Variants in PDHX observed in about 807,000 individuals in gnomAD.
PDHX encodes pyruvate dehydrogenase complex component X, also known as pyruvate dehydrogenase protein X component, mitochondrial.
In PDHX, 33 loss-of-function variants were observed where a neutral mutation model predicts 55.3. The ratio of observed to expected loss-of-function variants is 0.60; its 90% CI spans 0.45 to 0.80. PDHX has a LOEUF of 0.80. Among genes scored for constraint, PDHX ranks in the 30% least tolerant of loss-of-function variants. PDHX has a pLI of 0.00. For synonymous variants in PDHX, 226 were observed against 219.4 expected, an observed-to-expected ratio of 1.03 and a Z score of -0.27; for missense variants, 622 against 619.9, an observed-to-expected ratio of 1.00 and a Z score of -0.04.
intron 8 of PDHX, among the ~76,000 whole-genome samples, chr11:34,982,851 G>A (rs1022542172): frequency 1.3e-5 from 2 of 152,152 alleles, no homozygotes; most frequent in African/African-American, 4.8e-5. Flanking sequence ...GGTACAAGGA[G>A]GAGCTGTTAC....
chr11:34,965,140 G>A (rs1262892798), intron 5 of PDHX, among the ~76,000 whole-genome samples: 1 of 152,192 alleles, frequency 6.6e-6, no homozygotes, highest in African/African-American at 2.4e-5. Context: ...CTGAACTCAT[G>A]GTCTCACAAG....
intron 2 of PDHX, among the ~76,000 whole-genome samples, chr11:34,940,000 C>G (rs1854434269): frequency 6.6e-6 from 1 of 152,004 alleles, no homozygotes; most frequent in South Asian, 2.1e-4. Context: ...TAAACTGCAC[C>G]TAGTTTATTT....
At chr11:34,958,344 A>G (rs1279309607) in intron 4 of PDHX, among the ~76,000 whole-genome samples, 1 of 152,032 alleles carries the variant, frequency 6.6e-6, no homozygotes, top group Non-Finnish European at 1.5e-5. Context: ...CTCATTGTCC[A>G]GGCTGGAGTG....
At chr11:34,951,352 C>T (rs1365471865) in intron 3 of PDHX, among the ~76,000 whole-genome samples, 1 of 152,052 alleles carries the variant, frequency 6.6e-6, no homozygotes, top group Non-Finnish European at 1.5e-5. Flanking sequence ...AGCCACCGCG[C>T]CCGGCCTGTT....
At chr11:34,935,042 A>G (rs901593813) in intron 2 of PDHX, among the ~76,000 whole-genome samples, 1 of 152,092 alleles carries the variant, frequency 6.6e-6, no homozygotes, top group African/African-American at 2.4e-5. Context: ...TTGAGAGGGT[A>G]GGGAGGGGTA....
In PDHX at chr11:34,995,792, A is replaced by G. The variant is rs1045525029; in HGVS notation, c.*620A>G. 1 of 152,758 alleles carries G rather than the reference A, an allele frequency of 6.5e-6. No homozygotes were observed. The highest frequency in any genetic ancestry group is 1.5e-5 in the Non-Finnish European group (1 of 68,156). 9.5% of individuals were successfully genotyped at this position (152,758 alleles called of 1,614,324 possible). On this transcript the variant is annotated 3_prime_UTR_variant, in exon 11 of 11. Transcript: ENST00000227868. Reference sequence around the variant, plus strand: ...TTTCTATCTGTCTTGTTTTTCACTTATATAACACTGTGAACTTCTAAAGCA... The same window carrying G: ...TTTCTATCTGTCTTGTTTTTCACTTGTATAACACTGTGAACTTCTAAAGCA...
chr11:34,990,128 G>A (rs1855728058), intron 9 of PDHX, among the ~76,000 whole-genome samples: 1 of 152,090 alleles, frequency 6.6e-6, no homozygotes, highest in African/African-American at 2.4e-5. Flanking sequence ...GTAATGTAGT[G>A]ACACACCTTG....
intron 2 of PDHX, among the ~76,000 whole-genome samples, chr11:34,945,452 A>G (rs976472417): frequency 2.0e-5 from 3 of 152,148 alleles, no homozygotes; most frequent in East Asian, 1.9e-4. Flanking sequence ...GCCTTTATAT[A>G]TCTAAAGAAT....
chr11:34,960,042 A>G (rs765078495), intron 4 of PDHX, among the ~76,000 whole-genome samples: 3 of 152,248 alleles, frequency 2.0e-5, no homozygotes, highest in South Asian at 2.1e-4. Flanking sequence ...GCTTAAAATG[A>G]TAAATTTTAG....
chr11:34,980,352 C>CTTATTTTTTTTTTTTTTTTTTTT (rs1855481644), intron 8 of PDHX, among the ~76,000 whole-genome samples: 1 of 74,822 alleles, frequency 1.3e-5, no homozygotes, highest in Non-Finnish European at 2.6e-5. Flanking sequence ...AAGATAGTTT[C>CTTATTTTTTTTTTTTTTTTTTTT]TTTTTTTTTT....
At chr11:34,965,215 C>T (rs1855106182) in intron 5 of PDHX, among the ~76,000 whole-genome samples, 1 of 152,170 alleles carries the variant, frequency 6.6e-6, no homozygotes, top group African/African-American at 2.4e-5. Context: ...CTTCCAAGCT[C>T]ATGTGGTTGT....
rs143804355 is a variant in PDHX, at chr11:34,967,092, T to A, written c.816+278T>A. 4.9e-4 allele frequency among the ~76,000 whole-genome samples: 75 copies of A among 152,288 alleles called. 1 individual carries two copies. In the East Asian group the frequency reaches 0.014, roughly 28 times the overall value. ...GTCTCAAACTCCTGACTTCAGGTGA[T>A]CCACCCGCCTTGGCCTCCCAAAGTG... On this transcript the variant is annotated intron_variant, in intron 6 of 10. Coordinates refer to ENST00000227868, the MANE Select transcript of PDHX (RefSeq NM_003477.3).
At chr11:34,916,447 C>G (rs1188955234), upstream of PDHX, 4 of 1,469,714 alleles carry the variant, frequency 2.7e-6, no homozygotes, top group African/African-American at 4.3e-5. Context: ...TAAGGCCCCG[C>G]CGGCTGAGAT....
At chr11:34,977,162 A>T (rs1271171781) in intron 7 of PDHX, among the ~76,000 whole-genome samples, 1 of 152,132 alleles carries the variant, frequency 6.6e-6, no homozygotes, top group Non-Finnish European at 1.5e-5. Context: ...AGTCTCCAGG[A>T]TGCCTTTGGA....
intron 8 of PDHX, among the ~76,000 whole-genome samples, chr11:34,983,881 A>G (rs561801739): frequency 5.3e-5 from 8 of 152,368 alleles, no homozygotes; most frequent in Non-Finnish European, 1.0e-4. Flanking sequence ...TGCCATCCCC[A>G]TCAAGCTACC....
intron 8 of PDHX, among the ~76,000 whole-genome samples, 186 bp downstream of exon 8, chr11:34,978,368 A>G (rs560750685): frequency 2.6e-5 from 4 of 152,292 alleles, no homozygotes; most frequent in Admixed American, 2.6e-4. Context: ...AGGGCTCACA[A>G]TGAATTAGAG....
At chr11:34,916,421 G>A (rs1853700299), upstream of PDHX, 10 of 1,494,624 alleles carry the variant, frequency 6.7e-6, no homozygotes, top group African/African-American at 1.4e-5. Flanking sequence ...CGAACGGGGC[G>A]GGGGCCGGGG....
At chr11:34,925,599 A>G (rs1302311633) in intron 1 of PDHX, among the ~76,000 whole-genome samples, 1 of 152,226 alleles carries the variant, frequency 6.6e-6, no homozygotes, top group East Asian at 1.9e-4. Context: ...ATGAAAATGT[A>G]GGTTATCAGA....
intron 3 of PDHX, among the ~76,000 whole-genome samples, chr11:34,956,991 A>G (rs149334254): frequency 7.4e-4 from 113 of 152,380 alleles, no homozygotes; most frequent in African/African-American, 2.5e-3. Context: ...TTAGAATTCT[A>G]AAGCCATTGC....
Sources: allele counts gnomAD v4.1 joint callset (sites outside exome capture counted in the v4.1 genomes callset), GRCh38; gene constraint gnomAD v4.1.1; transcripts MANE v1.5; gene names NCBI Gene and HGNC (gene_info 2026-07-23, HGNC 2026-07-21).